RSPO1: variants seen among roughly 807,000 people sequenced by gnomAD.
The protein encoded by RSPO1 is R-spondin-1.
In RSPO1, 18 loss-of-function variants were observed where a neutral mutation model predicts 26.0. The observed-to-expected ratio is 0.69, with a 90% CI of 0.48 to 1.03. RSPO1 has a LOEUF of 1.03. Among genes scored for constraint, RSPO1 ranks in the 50% least tolerant of loss-of-function variants. The pLI is 0.00. For missense variants in RSPO1, 309 were observed against 352.3 expected (o/e 0.88, Z 0.98); for synonymous variants, 133 against 137.4 (o/e 0.97, Z 0.22).
intron 3 of RSPO1, among the ~76,000 whole-genome samples, chr1:37,619,233 A>AAAAC (rs772193737): frequency 2.0e-4 from 31 of 152,214 alleles, no homozygotes; most frequent in East Asian, 1.5e-3. Context: ...AAGACAAAAC[A>AAAAC]AAACAAACAA....
Position 37,629,557 on chromosome 1 carries a change from C to A in RSPO1, c.94+11G>T, listed in dbSNP as rs748176345. 6.2e-7 allele frequency: 1 copy of A among 1,613,422 alleles called. No individual in the cohort carries two copies. Among genetic ancestry groups the A allele is most frequent in the Admixed American group, 1.7e-5 (1 of 60,024 alleles). On this transcript the variant is annotated intron_variant, in intron 3 of 6. Transcript: ENST00000356545. ...AAGGCCAGCTGTGGCCCACCATGCTCCATTACTCACTCCGCCTCTGCCTTT... is the reference window on the plus strand; with the variant it reads ...AAGGCCAGCTGTGGCCCACCATGCTACATTACTCACTCCGCCTCTGCCTTT...
chr1:37,628,325 C>G (rs1420527599), intron 3 of RSPO1, among the ~76,000 whole-genome samples: 3 of 152,236 alleles, frequency 2.0e-5, no homozygotes, highest in African/African-American at 7.2e-5. Flanking sequence ...GCTGATTAAA[C>G]CTAACCGTCT....
Position 37,616,465 on chromosome 1 carries a change from C to A in RSPO1, c.286+19G>T, listed in dbSNP as rs1424989470. ...AGCTTCTAATGCCCCCTGCCCCCGA[C>A]AGCCCTGCCCACACTCACTGATGCA... is the stretch of plus-strand genomic sequence containing the variant. On this transcript the variant is annotated intron_variant, in intron 4 of 6. Coordinates refer to ENST00000356545, the MANE Select transcript of RSPO1 (RefSeq NM_001242908.2). 2.5e-6 allele frequency: 4 copies of A among 1,612,842 alleles called. No homozygotes were observed. The East Asian group carries it at 6.7e-5, about 27-fold the overall frequency.
At position 37,616,684 on chromosome 1, in the gene RSPO1, G is replaced by A; in HGVS notation, c.95-9C>T. 3 of 1,613,752 alleles carry A rather than the reference G, an allele frequency of 1.9e-6. No individual in the cohort carries two copies. The highest frequency in any genetic ancestry group is 2.5e-6 in the Non-Finnish European group (3 of 1,179,884). On this transcript the variant is annotated splice_polypyrimidine_tract_variant and intron_variant, in intron 3 of 6. Transcript: ENST00000356545. Reference sequence around the variant, plus strand: ...GCTCCCCTCGGCACTGACTGCAAAGGTGGAGCAGGCATGAGAAGGCGGCTG... The same window carrying A: ...GCTCCCCTCGGCACTGACTGCAAAGATGGAGCAGGCATGAGAAGGCGGCTG...
intron 2 of RSPO1, among the ~76,000 whole-genome samples, chr1:37,631,151 C>T (rs1570128602): frequency 2.0e-5 from 3 of 152,118 alleles, no homozygotes; most frequent in South Asian, 4.1e-4. Flanking sequence ...GTCAGGGAGG[C>T]CCCAGCAGAG....
At chr1:37,633,684 G>A (rs572074237) in intron 1 of RSPO1, among the ~76,000 whole-genome samples, 2 of 152,262 alleles carry the variant, frequency 1.3e-5, no homozygotes, top group South Asian at 2.1e-4. Context: ...GACAAAGTAT[G>A]TGCCTGTCCG....
chr1:37,633,128 G>T (rs1040220907), intron 1 of RSPO1, among the ~76,000 whole-genome samples: 1 of 152,254 alleles, frequency 6.6e-6, no homozygotes, highest in African/African-American at 2.4e-5. Context: ...CCTCACAATG[G>T]AAGGAGGAAG....
At chr1:37,626,561 G>A (rs761339598) in intron 3 of RSPO1, among the ~76,000 whole-genome samples, 43 of 152,092 alleles carry the variant, frequency 2.8e-4, no homozygotes, top group Admixed American at 1.4e-3. Context: ...CTGTGATCAG[G>A]GCCAGCTTGC....
chr1:37,617,661 C>CAAAAAAAAAAAAAAAAA (rs34856591), intron 3 of RSPO1, among the ~76,000 whole-genome samples: 3 of 36,376 alleles, frequency 8.2e-5, no homozygotes, highest in African/African-American at 3.5e-4. Context: ...GACTCCATCT[C>CAAAAAAAAAAAAAAAAA]AAAAAAAAAA....
At chr1:37,614,036 A>C (rs1644069410) in intron 5 of RSPO1, 144 bp from the exon 6 acceptor site, 2 of 1,321,222 alleles carry the variant, frequency 1.5e-6, no homozygotes. Context: ...TCCAGAGGGC[A>C]GAAAAGTCCT....
intron 2 of RSPO1, among the ~76,000 whole-genome samples, chr1:37,630,376 C>G: frequency 6.6e-6 from 1 of 152,210 alleles, no homozygotes. Flanking sequence ...CCTTTTCTTC[C>G]CGGGGCTGAG....
intron 3 of RSPO1, among the ~76,000 whole-genome samples, chr1:37,619,950 T>C (rs1401184030): frequency 2.0e-5 from 3 of 152,204 alleles, no homozygotes; most frequent in South Asian, 4.1e-4. Context: ...GGTTTCACCA[T>C]GTTGGTCAGG....
chr1:37,628,211 G>A (rs148472643), intron 3 of RSPO1, among the ~76,000 whole-genome samples: 13 of 152,164 alleles, frequency 8.5e-5, no homozygotes, highest in Non-Finnish European at 1.6e-4. Context: ...CTCTCATTTC[G>A]GAAATAGAGG....
chr1:37,631,516 T>C (rs1411487883), intron 2 of RSPO1, among the ~76,000 whole-genome samples: 2 of 152,226 alleles, frequency 1.3e-5, no homozygotes, highest in Admixed American at 6.5e-5. Flanking sequence ...CCCAAGTCTG[T>C]AGTCTCAGAG....
intron 1 of RSPO1, among the ~76,000 whole-genome samples, chr1:37,632,776 C>G (rs1283998553): frequency 2.6e-5 from 4 of 152,198 alleles, no homozygotes; most frequent in Non-Finnish European, 5.9e-5. Flanking sequence ...TGCATCTAGT[C>G]CCTGACCCCA....
At position 37,614,286 on chromosome 1, in the gene RSPO1, T is replaced by C. The variant is rs941727656; in HGVS notation, c.334A>G (p.Thr112Ala). Residue 112 changes from threonine to alanine, a missense_variant, in exon 5 of 7, where the codon ACC becomes GCC. Physicochemically the swap from Thr to Ala is moderately conservative, Grantham distance 58. Coordinates refer to ENST00000356545, the MANE Select transcript of RSPO1 (RefSeq NM_001242908.2). ...CEACFSHNFCTKCKEGLYLHK... is the reference protein window; with the variant it reads ...CEACFSHNFCAKCKEGLYLHK... The stretch of plus-strand genomic sequence containing the variant: ...AGGTACAAGCCCTCCTTACACTTGG[T>C]GCAGAAGTTATGGCTGAAGCAGGCC... 6.2e-7 allele frequency: 1 copy of C among 1,613,910 alleles called. No homozygotes were observed. The highest frequency in any genetic ancestry group is 8.5e-7 in the Non-Finnish European group (1 of 1,180,040).
intron 4 of RSPO1, among the ~76,000 whole-genome samples, chr1:37,614,988 G>C (rs947726764): frequency 5.9e-5 from 9 of 152,168 alleles, no homozygotes; most frequent in Non-Finnish European, 1.3e-4. Context: ...TGGGGGAATG[G>C]GGGCAGGGTG....
Position 37,629,818 on chromosome 1 carries a change from G to A in RSPO1, c.-157C>T, listed in dbSNP as rs905563696. 6 of 1,550,906 alleles carry A rather than the reference G, an allele frequency of 3.9e-6. No homozygotes were observed. In the Admixed American group the frequency reaches 7.8e-5, roughly 20 times the overall value. On this transcript the variant is annotated 5_prime_UTR_variant, in exon 3 of 7. Coordinates refer to ENST00000356545, the MANE Select transcript of RSPO1 (RefSeq NM_001242908.2). ...CACCATAATCTCAGCTGGGGACAGA[G>A]AGGGTGTGGGGAGCCCAGTTCTCCA...
At chr1:37,619,422 G>A (rs201443362) in intron 3 of RSPO1, among the ~76,000 whole-genome samples, 50 of 152,332 alleles carry the variant, frequency 3.3e-4, no homozygotes, top group Non-Finnish European at 6.5e-4. Flanking sequence ...CCTGGATGTC[G>A]TGTGCTTCCC....
Sources: allele counts gnomAD v4.1 joint callset (sites outside exome capture counted in the v4.1 genomes callset), GRCh38; gene constraint gnomAD v4.1.1; transcripts MANE v1.5; gene names NCBI Gene and HGNC (gene_info 2026-07-23, HGNC 2026-07-21).